Variants in MTA3 observed in about 807,000 individuals in gnomAD.
The protein encoded by MTA3 is metastasis-associated protein MTA3.
MTA3 carries 34 observed loss-of-function variants against 83.5 expected under a neutral mutation model. The ratio of observed to expected loss-of-function variants is 0.41; its 90% confidence interval spans 0.31 to 0.54. The LOEUF (loss-of-function observed/expected upper bound fraction) is 0.54. Ranked by LOEUF, MTA3 falls within the 20% of genes least tolerant of loss-of-function variation. The probability of loss-of-function intolerance (pLI) is 0.33; values close to 1 mark genes in which losing one functional copy is unlikely to be tolerated. For synonymous variants in MTA3, 303 were observed against 252.7 expected, an observed-to-expected ratio of 1.20 and a Z score of -1.89; for missense variants, 761 against 726.4, an observed-to-expected ratio of 1.05 and a Z score of -0.55.
At chr2:42,553,100 G>A (rs931007506) in intron 2 of MTA3, among the ~76,000 whole-genome samples, 4 of 151,796 alleles carry the variant, frequency 2.6e-5, no homozygotes, top group African/African-American at 9.7e-5. Flanking sequence ...AACATAGGGA[G>A]ACCCTGTCTC....
intron 8 of MTA3, among the ~76,000 whole-genome samples, chr2:42,682,186 G>T (rs1691994374): frequency 6.6e-6 from 1 of 152,054 alleles, no homozygotes; most frequent in African/African-American, 2.4e-5. Context: ...GATACCCTGT[G>T]CTCCCCTCCC....
chr2:42,507,929 G>C (rs550889122), intron 2 of MTA3, among the ~76,000 whole-genome samples: 3 of 151,024 alleles, frequency 2.0e-5, no homozygotes, highest in Non-Finnish European at 4.4e-5. Context: ...CTGAGCAACG[G>C]CGTGAGTCTG....
intron 16 of MTA3, among the ~76,000 whole-genome samples, chr2:42,724,738 A>C (rs1211953554): frequency 2.0e-5 from 3 of 152,182 alleles, no homozygotes; most frequent in African/African-American, 4.8e-5. Flanking sequence ...TCTGGATCCC[A>C]GTCCTGGCCT....
In MTA3 at chr2:42,527,153, T is replaced by C. The variant is rs1406984097; in HGVS notation, c.-141+31899T>C. Among the ~76,000 whole-genome samples, 6 of 151,568 alleles carry C rather than the reference T, an allele frequency of 4.0e-5. No homozygotes were observed. In the South Asian group the frequency reaches 8.3e-4, roughly 21 times the overall value. ...CCAGAAAACCCCTACTTCTTTAACT[T>C]TGGGACTTTTGGAGCTCACCTGAAC... On this transcript the variant is annotated intron_variant, in intron 2 of 17. Transcript: ENST00000405592.
intron 8 of MTA3, among the ~76,000 whole-genome samples, chr2:42,678,778 G>C (rs748022150): frequency 1.3e-5 from 2 of 151,672 alleles, no homozygotes; most frequent in Admixed American, 1.3e-4. Flanking sequence ...ATGCATCACT[G>C]TGTGTGTGTG....
intron 16 of MTA3, among the ~76,000 whole-genome samples, chr2:42,731,212 C>T (rs1039962623): frequency 2.0e-5 from 3 of 152,000 alleles, no homozygotes; most frequent in Non-Finnish European, 2.9e-5. Context: ...ATTTCTGCTC[C>T]GATCTTTATT....
chr2:42,562,165 T>A (rs1677702555), intron 2 of MTA3, among the ~76,000 whole-genome samples: 1 of 152,198 alleles, frequency 6.6e-6, no homozygotes, highest in Non-Finnish European at 1.5e-5. Context: ...TAAGGACACA[T>A]GTCATTAGAC....
intron 2 of MTA3, among the ~76,000 whole-genome samples, chr2:42,517,290 G>A (rs1675189244): frequency 6.7e-6 from 1 of 148,670 alleles, no homozygotes; most frequent in Non-Finnish European, 1.5e-5. Context: ...TAAATAATTA[G>A]GCTGGGTGCA....
Position 42,708,047 on chromosome 2 carries a change from C to T in MTA3, c.1295C>T (p.Thr432Ile). The T allele has an allele frequency of 6.2e-7, 1 of 1,606,230 alleles. No individual in the cohort carries two copies. The highest frequency in any genetic ancestry group is 8.5e-7 in the Non-Finnish European group (1 of 1,177,778). Residue 432 changes from threonine (T) to isoleucine (I), a missense_variant, in exon 13 of 17, where the codon ACT (threonine) becomes ATT (isoleucine). Coordinates refer to ENST00000405094, the MANE Select transcript of MTA3 (RefSeq NM_001330442.2). Reference protein sequence around the residue: ...SEEEKLSPSPTTEDPRVRSHV... With the variant: ...SEEEKLSPSPITEDPRVRSHV... ...GAAGAGAAGTTATCTCCTAGCCCAA[C>T]TACAGAGGTACAGTAGTCTTTTTAG... is the stretch of plus-strand genomic sequence containing the variant.
chr2:42,501,622 G>C (rs777437211), intron 2 of MTA3, among the ~76,000 whole-genome samples: 21 of 152,142 alleles, frequency 1.4e-4, no homozygotes, highest in Non-Finnish European at 2.2e-4. Context: ...ATTGCAGCGA[G>C]ACAAAGTGAG....
chr2:42,737,752 C>T (rs1451360776), intron 16 of MTA3, among the ~76,000 whole-genome samples: 3 of 152,132 alleles, frequency 2.0e-5, no homozygotes, highest in African/African-American at 7.2e-5. Context: ...GAAGAATTTG[C>T]CCAAAGTCGC....
chr2:42,726,503 C>T (rs1238896110), intron 16 of MTA3, among the ~76,000 whole-genome samples: 1 of 152,218 alleles, frequency 6.6e-6, no homozygotes, highest in South Asian at 2.1e-4. Context: ...TATCCCTCCC[C>T]ACTCCCCCCA....
At chr2:42,594,729 T>TATATATATATATATATA (rs1491154379) in intron 3 of MTA3, among the ~76,000 whole-genome samples, 9 of 19,140 alleles carry the variant, frequency 4.7e-4, no homozygotes, top group East Asian at 9.6e-4. Context: ...TATATATATA[T>TATATATATATATATATA]TTTTTTTTTT....
intron 2 of MTA3, among the ~76,000 whole-genome samples, chr2:42,554,757 T>A (rs1025993090): frequency 6.6e-6 from 1 of 152,094 alleles, no homozygotes; most frequent in Non-Finnish European, 1.5e-5. Context: ...CTGAGAAGGG[T>A]CTCCCCAGTG....
chr2:42,643,415 C>T (rs1405577980), intron 5 of MTA3, among the ~76,000 whole-genome samples: 2 of 152,080 alleles, frequency 1.3e-5, no homozygotes, highest in African/African-American at 4.8e-5. Context: ...GGTGCCAGGT[C>T]ATTTTGTCCA....
intron 2 of MTA3, among the ~76,000 whole-genome samples, chr2:42,510,241 G>A (rs1031147003): frequency 3.3e-5 from 5 of 150,810 alleles, no homozygotes; most frequent in Admixed American, 2.0e-4. Flanking sequence ...CAGGAGAATC[G>A]CTTGAACCCA....
chr2:42,711,928 AGT>A (rs1020411418), intron 14 of MTA3, among the ~76,000 whole-genome samples: 4 of 152,242 alleles, frequency 2.6e-5, no homozygotes, highest in African/African-American at 9.6e-5. Context: ...ATAAGGCTGA[AGT>A]GTGTTATTCT....
rs955436922 is a variant in MTA3, at chr2:42,756,270, T to C, written c.*2871T>C. Reference sequence around the variant, plus strand: ...TGGGGGCTGGAGCCTCGAGAAGCCATGATTCTTGTCAGAAACATTTCCCCA... The same window carrying C: ...TGGGGGCTGGAGCCTCGAGAAGCCACGATTCTTGTCAGAAACATTTCCCCA... On this transcript the variant is annotated 3_prime_UTR_variant, in exon 17 of 17. Coordinates refer to ENST00000405094, the MANE Select transcript of MTA3 (RefSeq NM_001330442.2). 5 of 207,784 alleles carry C rather than the reference T, an allele frequency of 2.4e-5. No individual in the cohort carries two copies. The highest frequency in any genetic ancestry group is 4.7e-5 in the African/African-American group (2 of 42,472). The allele number at this position is 207,784 out of a possible 1,614,324, so 12.9% of individuals were successfully genotyped here.
intron 2 of MTA3, among the ~76,000 whole-genome samples, chr2:42,524,472 GT>G (rs58288129): frequency 0.02 from 1,439 of 70,690 alleles, 21 homozygotes; most frequent in Admixed American, 0.13. Flanking sequence ...GGCTAGTTGT[GT>G]TTTTTTTTTT....
Sources: gnomAD v4.1 joint callset for allele counts (sites outside exome capture counted in the v4.1 genomes callset) on GRCh38, gnomAD v4.1.1 for gene constraint, MANE v1.5 for transcripts, NCBI Gene and HGNC (gene_info 2026-07-23, HGNC 2026-07-21) for gene names.